The following NDUFA8 variants were observed in gnomAD, a reference collection of about 807,000 sequenced individuals.
NDUFA8 encodes NADH dehydrogenase [ubiquinone] 1 alpha subcomplex subunit 8.
A neutral mutation model predicts 20.9 loss-of-function variants in NDUFA8; 16 were observed. The ratio of observed to expected loss-of-function variants is 0.77; its 90% CI spans 0.52 to 1.16. The LOEUF (loss-of-function observed/expected upper bound fraction) is 1.16. Among genes scored for constraint, NDUFA8 ranks in the 50% most tolerant of loss-of-function variants. The pLI, the probability that NDUFA8 is intolerant of heterozygous loss-of-function variation, is 0.00. For missense variants in NDUFA8, 202 were observed against 216.4 expected (o/e 0.93, Z 0.42); for synonymous variants, 70 against 76.1 (o/e 0.92, Z 0.41).
chr9:122,155,370 C>T (rs558798033), intron 1 of NDUFA8, among the ~76,000 whole-genome samples: 2 of 152,366 alleles, frequency 1.3e-5, no homozygotes, highest in East Asian at 1.9e-4. Context: ...TGGGCCACCA[C>T]GCCCAGCTGT....
chr9:122,159,164 A>G (rs965533729), intron 1 of NDUFA8, among the ~76,000 whole-genome samples: 2 of 152,116 alleles, frequency 1.3e-5, no homozygotes, highest in Non-Finnish European at 2.9e-5. Flanking sequence ...TGCACGCTCC[A>G]ATATTGTCTC....
chr9:122,138,868 G>GGGGA, the NDUFA8 span, among the ~76,000 whole-genome samples: 8 of 143,230 alleles, frequency 5.6e-5, 2 homozygotes, highest in Non-Finnish European at 1.2e-4. Flanking sequence ...GAAGAGGTGG[G>GGGGA]GGGGGGGCCA....
the NDUFA8 span, chr9:122,132,894 T>TCCACC: frequency 2.2e-6 from 1 of 455,910 alleles, no homozygotes; most frequent in Non-Finnish European, 4.4e-6. Flanking sequence ...TTCTCCCAGC[T>TCCACC]CCACCAGGGC....
At chr9:122,134,714 CACT>C in the NDUFA8 span, among the ~76,000 whole-genome samples, 1 of 152,184 alleles carries the variant, frequency 6.6e-6, no homozygotes, top group Non-Finnish European at 1.5e-5. Context: ...ATCCTAATTT[CACT>C]ACTATCTGAA....
chr9:122,159,759 T>TGCCACACGGCGCCTGCGC lies in NDUFA8; in HGVS notation c.-100_-83dup, dbSNP rs1829157267. On this transcript the variant is annotated 5_prime_UTR_variant, in exon 1 of 4. Coordinates refer to ENST00000373768, the MANE Select transcript of NDUFA8 (RefSeq NM_014222.3). The stretch of plus-strand genomic sequence containing the variant: ...TTGAACTCCCCTTTCGACCGCCGAG[T>TGCCACACGGCGCCTGCGC]GCCACACGGCGCCTGCGCATGCGCA... 1.9e-6 allele frequency: 3 copies of TGCCACACGGCGCCTGCGC among 1,599,530 alleles called. No individual in the cohort carries two copies. The highest frequency in any genetic ancestry group is 2.2e-5 in the South Asian group (2 of 90,734).
chr9:122,133,543 G>A, the NDUFA8 span, among the ~76,000 whole-genome samples: 1 of 152,230 alleles, frequency 6.6e-6, no homozygotes, highest in East Asian at 1.9e-4. Context: ...ATTCTAGGAG[G>A]CAGAGCCTCT....
At chr9:122,139,667 G>A (rs1828792606), downstream of NDUFA8, among the ~76,000 whole-genome samples, 1 of 152,136 alleles carries the variant, frequency 6.6e-6, no homozygotes, top group African/African-American at 2.4e-5. Flanking sequence ...TACAGCGCCT[G>A]TATGTCCAAG....
At chr9:122,155,769 A>G (rs1043012136) in intron 1 of NDUFA8, among the ~76,000 whole-genome samples, 6 of 152,230 alleles carry the variant, frequency 3.9e-5, no homozygotes, top group Non-Finnish European at 5.9e-5. Flanking sequence ...ATATGCCTTA[A>G]AAGAGCTTTA....
In NDUFA8 at chr9:122,159,773, T is replaced by TG; in HGVS notation, c.-97dup. On this transcript the variant is annotated 5_prime_UTR_variant, in exon 1 of 4. The change abolishes the stop of an existing upstream ORF in the 5' untranslated region. Coordinates refer to ENST00000373768, the MANE Select transcript of NDUFA8 (RefSeq NM_014222.3). ...CGACCGCCGAGTGCCACACGGCGCCTGCGCATGCGCATCCGGCAACACGCA... is the reference window on the plus strand; with the variant it reads ...CGACCGCCGAGTGCCACACGGCGCCTGGCGCATGCGCATCCGGCAACACGCA... 6.4e-7 allele frequency: 1 copy of TG among 1,561,806 alleles called. No homozygotes were observed. Among genetic ancestry groups the TG allele is most frequent in the Non-Finnish European group, 8.8e-7 (1 of 1,133,944 alleles).
chr9:122,147,040 C>T (rs1828914868), intron 3 of NDUFA8, among the ~76,000 whole-genome samples: 1 of 152,164 alleles, frequency 6.6e-6, no homozygotes, highest in Non-Finnish European at 1.5e-5. Flanking sequence ...GGAGAGTCCC[C>T]GTACAGTTTT....
rs1042630333 is a variant in NDUFA8, at chr9:122,153,214, C to T, written c.52-806G>A. Among the ~76,000 whole-genome samples the T allele has an allele frequency of 4.6e-5, 7 of 151,134 alleles. No homozygotes were observed. The East Asian group carries it at 1.4e-3, about 29-fold the overall frequency. On this transcript the variant is annotated intron_variant, in intron 1 of 3. Transcript: ENST00000373768. ...CCCAGGAGGCAGAGGTTGCAGTGAGCCAAGATCATGCTACTGCACTCCAGC... is the reference window on the plus strand; with the variant it reads ...CCCAGGAGGCAGAGGTTGCAGTGAGTCAAGATCATGCTACTGCACTCCAGC...
downstream of NDUFA8, among the ~76,000 whole-genome samples, chr9:122,139,796 T>C (rs549439195): frequency 4.3e-4 from 66 of 152,198 alleles, no homozygotes; most frequent in Non-Finnish European, 6.8e-4. Context: ...CAAGTTCAAA[T>C]GATTGTCATG....
chr9:122,156,691 C>G (rs1829080230), intron 1 of NDUFA8, among the ~76,000 whole-genome samples: 1 of 152,202 alleles, frequency 6.6e-6, no homozygotes, highest in African/African-American at 2.4e-5. Context: ...GCTCCTTTTT[C>G]TGGCTTCACC....
downstream of NDUFA8, among the ~76,000 whole-genome samples, chr9:122,140,651 G>A (rs900021439): frequency 9.9e-5 from 15 of 152,192 alleles, no homozygotes; most frequent in African/African-American, 3.6e-4. Context: ...ACTGAGAACA[G>A]GAGAGGTAAG....
intron 2 of NDUFA8, among the ~76,000 whole-genome samples, chr9:122,150,971 CAAAAAAAAAA>C (rs71508152): frequency 2.0e-5 from 1 of 50,416 alleles, no homozygotes; most frequent in Non-Finnish European, 3.2e-5. Flanking sequence ...GACTCCGTCT[CAAAAAAAAAA>C]AAAAAAAAAA....
the NDUFA8 span, among the ~76,000 whole-genome samples, chr9:122,137,816 C>T: frequency 2.6e-5 from 4 of 152,190 alleles, no homozygotes; most frequent in African/African-American, 9.7e-5. Context: ...CTTGGTCCAA[C>T]TCTTTATTTT....
intron 2 of NDUFA8, among the ~76,000 whole-genome samples, chr9:122,149,068 A>G (rs1828951404): frequency 6.6e-6 from 1 of 152,234 alleles, no homozygotes; most frequent in Admixed American, 6.5e-5. Flanking sequence ...TGTAAAAGCC[A>G]TACTTGAGGC....
chr9:122,152,201 C>T (rs771889692), intron 2 of NDUFA8, 44 bp downstream of exon 2: 1 of 1,611,030 alleles, frequency 6.2e-7, no homozygotes, highest in Non-Finnish European at 8.5e-7. Flanking sequence ...TCATTTAAAC[C>T]TTTATGCTTC....
chr9:122,144,446 C>G, intron 3 of NDUFA8, 68 bp from the exon 4 acceptor site: 2 of 1,429,256 alleles, frequency 1.4e-6, no homozygotes. Context: ...ACCATCAATG[C>G]GCCTCCTGGT....
Sources: allele counts gnomAD v4.1 joint callset (sites outside exome capture counted in the v4.1 genomes callset), GRCh38; gene constraint gnomAD v4.1.1; transcripts MANE v1.5; gene names NCBI Gene and HGNC (gene_info 2026-07-23, HGNC 2026-07-21).